Variants in C10orf67 observed in about 807,000 individuals in gnomAD.
The protein encoded by C10orf67 is chromosome 10 open reading frame 67.
C10orf67 carries 60 observed loss-of-function variants against 35.6 expected under a neutral mutation model. That is an observed-to-expected ratio of 1.68 (90% CI 1.37 to 2.09). The LOEUF is 2.09. Among genes scored for constraint, C10orf67 ranks in the 30% most tolerant of loss-of-function variants. The probability of loss-of-function intolerance (pLI) is 0.00; values close to 1 mark genes in which losing one functional copy is unlikely to be tolerated. For synonymous variants in C10orf67, 167 were observed against 115.8 expected, an observed-to-expected ratio of 1.44 and a Z score of -2.84; for missense variants, 474 against 330.2, an observed-to-expected ratio of 1.44 and a Z score of -3.38.
At chr10:23,282,987 A>C (rs80064892) in intron 7 of C10orf67, among the ~76,000 whole-genome samples, 1 of 152,082 alleles carries the variant, frequency 6.6e-6, no homozygotes, top group Non-Finnish European at 1.5e-5. Context: ...AATGAATAAG[A>C]CCTAGTATTT....
chr10:23,316,268 C>A (rs1389624036), intron 4 of C10orf67, among the ~76,000 whole-genome samples: 1 of 152,220 alleles, frequency 6.6e-6, no homozygotes, highest in African/African-American at 2.4e-5. Flanking sequence ...CAGCTCCCTG[C>A]AAGGCTGCAG....
At chr10:23,290,393 A>T (rs1843685789) in intron 6 of C10orf67, among the ~76,000 whole-genome samples, 1 of 152,226 alleles carries the variant, frequency 6.6e-6, no homozygotes, top group South Asian at 2.1e-4. Flanking sequence ...AATATAATAT[A>T]TCTCATTTTA....
chr10:23,221,095 A>C (rs1841566725), intron 15 of C10orf67, among the ~76,000 whole-genome samples: 1 of 152,210 alleles, frequency 6.6e-6, no homozygotes, highest in Non-Finnish European at 1.5e-5. Flanking sequence ...GAGACTGGCT[A>C]ATTCATGGAG....
At chr10:23,205,581 A>C (rs1371732286) in intron 15 of C10orf67, among the ~76,000 whole-genome samples, 2 of 152,242 alleles carry the variant, frequency 1.3e-5, no homozygotes, top group East Asian at 3.8e-4. Context: ...GAAACTTGCT[A>C]GAGTTAAGTA....
intron 2 of C10orf67, 90 bp downstream of exon 2, chr10:23,332,972 T>G: frequency 7.6e-7 from 1 of 1,321,248 alleles, no homozygotes; most frequent in South Asian, 1.4e-5. Context: ...TTTAAAAATT[T>G]TAATTATTTC....
At chr10:23,291,932 A>G in intron 5 of C10orf67, among the ~76,000 whole-genome samples, 1 of 152,268 alleles carries the variant, frequency 6.6e-6, no homozygotes, top group Middle Eastern at 3.4e-3. Flanking sequence ...GGGTCTGTGC[A>G]GGCGTTTAAT....
intron 12 of C10orf67, among the ~76,000 whole-genome samples, chr10:23,246,381 T>A (rs941312554): frequency 5.3e-5 from 8 of 152,190 alleles, no homozygotes; most frequent in Non-Finnish European, 1.2e-4. Context: ...AAATGTTTTT[T>A]AATTAAAATT....
At chr10:23,259,478 A>T (rs1456898764) in intron 10 of C10orf67, among the ~76,000 whole-genome samples, 1 of 152,216 alleles carries the variant, frequency 6.6e-6, no homozygotes, top group Non-Finnish European at 1.5e-5. Flanking sequence ...ATTCAAAGTA[A>T]ATTAAAATGT....
At chr10:23,259,913 T>G (rs114864972) in intron 10 of C10orf67, among the ~76,000 whole-genome samples, 2 of 152,178 alleles carry the variant, frequency 1.3e-5, no homozygotes, top group Admixed American at 1.3e-4. Flanking sequence ...GAGCTGAGCA[T>G]GTAAGAGTTG....
At chr10:23,220,913 C>A (rs1208764053) in intron 15 of C10orf67, among the ~76,000 whole-genome samples, 1 of 152,108 alleles carries the variant, frequency 6.6e-6, no homozygotes, top group Non-Finnish European at 1.5e-5. Context: ...CGATAATATT[C>A]CATAGGATAC....
At chr10:23,260,745 G>A (rs770320934) in intron 10 of C10orf67, among the ~76,000 whole-genome samples, 23 of 152,130 alleles carry the variant, frequency 1.5e-4, no homozygotes, top group Non-Finnish European at 2.8e-4. Context: ...GATTGCAGTG[G>A]CTTCTTATTG....
intron 5 of C10orf67, among the ~76,000 whole-genome samples, chr10:23,293,865 G>A (rs1309239524): frequency 3.3e-5 from 5 of 152,174 alleles, no homozygotes; most frequent in African/African-American, 1.2e-4. Context: ...GCGGTCCATG[G>A]ACCAGGAGCC....
intron 10 of C10orf67, among the ~76,000 whole-genome samples, chr10:23,257,845 T>C (rs1412275205): frequency 6.6e-6 from 1 of 151,428 alleles, no homozygotes; most frequent in Admixed American, 6.6e-5. Flanking sequence ...GAGGTAACCA[T>C]AGCAACAAGC....
intron 4 of C10orf67, chr10:23,318,988 A>G (rs1844843012): frequency 1.4e-6 from 1 of 728,018 alleles, no homozygotes; most frequent in South Asian, 1.5e-5. Flanking sequence ...GTCTTCCATG[A>G]GAACCCTTTT....
intron 2 of C10orf67, among the ~76,000 whole-genome samples, chr10:23,328,113 C>T (rs914484811): frequency 4.0e-5 from 6 of 151,850 alleles, no homozygotes; most frequent in African/African-American, 1.5e-4. Flanking sequence ...TTTGTAGGAG[C>T]TAAAAATGTA....
At chr10:23,242,291 A>T (rs998875514) in intron 12 of C10orf67, among the ~76,000 whole-genome samples, 1 of 152,268 alleles carries the variant, frequency 6.6e-6, no homozygotes, top group East Asian at 1.9e-4. Flanking sequence ...TAATTGGCTG[A>T]AAAAATAACT....
intron 13 of C10orf67, among the ~76,000 whole-genome samples, chr10:23,235,852 C>T (rs1189677656): frequency 1.3e-5 from 2 of 152,148 alleles, no homozygotes; most frequent in Non-Finnish European, 2.9e-5. Flanking sequence ...CACTGTGGCT[C>T]ACACATGTAA....
chr10:23,256,525 G>A (rs1030951768), intron 10 of C10orf67, among the ~76,000 whole-genome samples: 18 of 152,142 alleles, frequency 1.2e-4, no homozygotes, highest in African/African-American at 4.1e-4. Flanking sequence ...CATAGGTCTC[G>A]TCTACAGCTG....
chr10:23,266,496 A>G (rs1842886775), intron 9 of C10orf67, 70 bp from the exon 10 acceptor site: 1 of 396,822 alleles, frequency 2.5e-6, no homozygotes, highest in African/African-American at 2.1e-5. Flanking sequence ...TTTCTTTCAC[A>G]CTCTTCCCCT....
Sources: allele counts gnomAD v4.1 joint callset (sites outside exome capture counted in the v4.1 genomes callset), GRCh38; gene constraint gnomAD v4.1.1; transcripts MANE v1.5; gene names NCBI Gene and HGNC (gene_info 2026-07-23, HGNC 2026-07-21).